Variants in EPHA1 observed in about 807,000 individuals in gnomAD.
EPHA1 encodes EPH receptor A1.
EPHA1 carries 92 observed loss-of-function variants against 110.1 expected under a neutral mutation model. The observed-to-expected ratio is 0.84, with a 90% CI of 0.71 to 0.99. EPHA1 has a LOEUF of 0.99. Ranked by LOEUF, EPHA1 falls within the 50% of genes least tolerant of loss-of-function variation. The pLI, the probability that EPHA1 is intolerant of heterozygous loss-of-function variation, is 0.00. For synonymous variants in EPHA1, 500 were observed against 516.1 expected, an observed-to-expected ratio of 0.97 and a Z score of 0.42; for missense variants, 1,204 against 1,285.4, an observed-to-expected ratio of 0.94 and a Z score of 0.97.
In EPHA1 at chr7:143,394,824, C is replaced by A. The variant is rs749718342; in HGVS notation, c.2336G>T (p.Gly779Val). The change falls in exon 14 of 18, where the codon GGC becomes GTC. Residue 779 changes from glycine (G) to valine (V), a missense_variant. Transcript: ENST00000275815. ...GLTRLLDDFD[G>V]TYETQGGKIP... ...GCCTCTAACCTGGGTTTCGTATGTG[C>A]CATCAAAGTCATCCAGGAGGCGAGT... The A allele has an allele frequency of 2.3e-5, 37 of 1,614,084 alleles. No individual in the cohort carries two copies. Among genetic ancestry groups the A allele is most frequent in the Non-Finnish European group, 3.1e-5 (37 of 1,180,022 alleles).
Position 143,399,922 on chromosome 7 carries a change from C to T in EPHA1, c.564G>A (p.Pro188=), listed in dbSNP as rs146631359. The change falls in exon 4 of 18, where the codon CCG becomes CCA. Residue 188 remains proline, a synonymous_variant. Coordinates refer to ENST00000275815, the MANE Select transcript of EPHA1 (RefSeq NM_005232.5). The stretch of plus-strand genomic sequence containing the variant: ...CAGACACCAGGGCCACACAGGCACC[C>T]GGGTTGTGGAAAGCGAGGTAGAGGC... The part of the protein sequence containing the change: ...RRGLYLAFHN[P]GACVALVSVR... 19 of 1,613,176 alleles carry T rather than the reference C, an allele frequency of 1.2e-5. No homozygotes were observed. The highest frequency in any genetic ancestry group is 4.5e-5 in the East Asian group (2 of 44,842).
At chr7:143,399,083 T>A in intron 5 of EPHA1, 138 bp from the exon 6 acceptor site, 1 of 1,216,246 alleles carries the variant, frequency 8.2e-7, no homozygotes, top group Non-Finnish European at 1.2e-6. Context: ...TGGGTTTGAC[T>A]ACATCTCTGC....
intron 10 of EPHA1, 35 bp from the exon 11 acceptor site, chr7:143,396,545 A>G (rs1805257302): frequency 3.7e-6 from 6 of 1,610,204 alleles, no homozygotes; most frequent in East Asian, 4.5e-5. Context: ...GAGTACCAAC[A>G]TCAGGGCTCA....
At position 143,396,502 on chromosome 7, in the gene EPHA1, GC is replaced by G. The variant is rs1382827812; in HGVS notation, c.1779del (p.Lys593AsnfsTer4). The G allele has an allele frequency of 1.2e-6, 2 of 1,613,828 alleles. No individual in the cohort carries two copies. The highest frequency in any genetic ancestry group is 4.5e-5 in the East Asian group (2 of 44,874). On this transcript the variant is annotated frameshift_variant, in exon 11 of 18. Coordinates refer to ENST00000275815, the MANE Select transcript of EPHA1 (RefSeq NM_005232.5). LOFTEE classifies it high-confidence loss of function. ...DRATDVDRED[K>X]LWLKPYVDLQ... ...AGGTCCACATAAGGCTTCAGCCACAGCTTGTCCTCTATGGGCAGAACATGAG... is the reference window on the plus strand; with the variant it reads ...AGGTCCACATAAGGCTTCAGCCACAGTTGTCCTCTATGGGCAGAACATGAG...
intron 11 of EPHA1, among the ~76,000 whole-genome samples, chr7:143,396,130 T>C (rs144406205): frequency 3.9e-4 from 59 of 152,358 alleles, no homozygotes; most frequent in African/African-American, 1.1e-3. Context: ...ATGCCCTTTA[T>C]CAGAAACTCC....
At chr7:143,405,125 G>A (rs1383092994) in intron 2 of EPHA1, among the ~76,000 whole-genome samples, 1 of 152,102 alleles carries the variant, frequency 6.6e-6, no homozygotes, top group Non-Finnish European at 1.5e-5. Flanking sequence ...GAATGAAAAA[G>A]GCACCAGGAG....
chr7:143,396,468 T>G lies in EPHA1; in HGVS notation c.1814A>C (p.Tyr605Ser). Residue 605 changes from tyrosine (Y) to serine (S), a missense_variant, in exon 11 of 18, where the codon TAC (tyrosine) becomes TCC (serine). By Grantham distance (144) the Tyr-to-Ser change is moderately radical. Coordinates refer to ENST00000275815, the MANE Select transcript of EPHA1 (RefSeq NM_005232.5). ...CAGGGCTCCCTGTGCAGGGTCCTCG[T>G]ATGCCTGGAGGTCCACATAAGGCTT... ...WLKPYVDLQA[Y>S]EDPAQGALDF... 6.2e-7 allele frequency: 1 copy of G among 1,614,018 alleles called. No homozygotes were observed. Among genetic ancestry groups the G allele is most frequent in the African/African-American group, 1.3e-5 (1 of 75,028 alleles).
At position 143,395,559 on chromosome 7, in the gene EPHA1, G is replaced by A; in HGVS notation, c.1898-55C>T. 1.3e-6 allele frequency: 2 copies of A among 1,582,304 alleles called. No homozygotes were observed. Among genetic ancestry groups the A allele is most frequent in the Admixed American group, 1.7e-5 (1 of 57,958 alleles). ...GATGCACTGCAGGGCTCCTCCAGGG[G>A]ACAGGCAGCAACCCCTCCAGTCCTC... On this transcript the variant is annotated intron_variant, in intron 11 of 17. Transcript: ENST00000275815. This position sits in a 1 kb window ranked among gnomAD's most constrained non-coding sequence, Gnocchi z 4.7.
In EPHA1 at chr7:143,401,437, T is replaced by G; in HGVS notation, c.319A>C (p.Lys107Gln). ...VELQFTVRDC[K>Q]SFPGGAGPLG... ...GGCCCGGCTCCCCCAGGGAAACTCTTGCAGTCCCGCACGGTGAACTGCAGC... is the reference window on the plus strand; with the variant it reads ...GGCCCGGCTCCCCCAGGGAAACTCTGGCAGTCCCGCACGGTGAACTGCAGC... Residue 107 changes from lysine (K) to glutamine (Q), a missense_variant, in exon 3 of 18, where the codon AAG becomes CAG. Transcript: ENST00000275815. The surrounding 1 kb of genome is among the most constrained non-coding windows in gnomAD (Gnocchi z 4.1). 6.2e-7 allele frequency: 1 copy of G among 1,614,140 alleles called. No individual in the cohort carries two copies. Among genetic ancestry groups the G allele is most frequent in the Non-Finnish European group, 8.5e-7 (1 of 1,180,042 alleles).
Position 143,391,375 on chromosome 7 carries a change from G to A in EPHA1, c.*82C>T. Reference sequence around the variant, plus strand: ...AGCCTAGTCTGGCAGGTTGTGGGAAGGGGCGCAGGGAGTGACCATGAGCGA... The same window carrying A: ...AGCCTAGTCTGGCAGGTTGTGGGAAAGGGCGCAGGGAGTGACCATGAGCGA... On this transcript the variant is annotated 3_prime_UTR_variant, in exon 18 of 18. Coordinates refer to ENST00000275815, the MANE Select transcript of EPHA1 (RefSeq NM_005232.5). 1.3e-6 allele frequency: 2 copies of A among 1,521,392 alleles called. No homozygotes were observed. The highest frequency in any genetic ancestry group is 2.7e-5 in the African/African-American group (2 of 72,878). The allele number at this position is 1,521,392 out of a possible 1,614,324, so 94.2% of individuals were successfully genotyped here. A position where few individuals can be genotyped will look rare whatever the true frequency, so the allele number is the denominator to read the frequency against.
At chr7:143,394,061 G>C in intron 15 of EPHA1, 133 bp downstream of exon 15, 1 of 1,316,096 alleles carries the variant, frequency 7.6e-7, no homozygotes. Context: ...AGAACCAGAG[G>C]AGCCAGGAGT....
rs200212760 is a variant in EPHA1 at position 143,397,568 on chromosome 7, G to A, written c.1705C>T (p.Arg569Trp). The A allele has an allele frequency of 7.6e-5, 123 of 1,614,104 alleles. No individual in the cohort carries two copies. The highest frequency in any genetic ancestry group is 3.3e-4 in the Middle Eastern group (2 of 6,062). ...AALLLGILVF[R>W]SRRAQRQRQQ... ...GGGGGCAGGAGCTGGCACCTGGACC[G>A]GAAAACGAGAATCCCAAGCAGCAAG... Residue 569 changes from arginine to tryptophan, a missense_variant, in exon 9 of 18, where the codon CGG (arginine) becomes TGG (tryptophan). Physicochemically the swap from Arg to Trp is moderately radical, Grantham distance 101. Coordinates refer to ENST00000275815, the MANE Select transcript of EPHA1 (RefSeq NM_005232.5).
Position 143,399,850 on chromosome 7 carries a change from G to C in EPHA1, c.636C>G (p.Ala212=). Residue 212 remains alanine (A), a synonymous_variant, in exon 4 of 18, where the codon GCC becomes GCG. Transcript: ENST00000275815. ...QRCPETLNGL[A]QFPDTLPGPA... Reference sequence around the variant, plus strand: ...GGCCAGGCAGAGTGTCTGGGAATTGGGCCAAGCCATTCAGGGTCTCAGGAC... The same window carrying C: ...GGCCAGGCAGAGTGTCTGGGAATTGCGCCAAGCCATTCAGGGTCTCAGGAC... The C allele has an allele frequency of 6.2e-7, 1 of 1,606,664 alleles. No homozygotes were observed. Among genetic ancestry groups the C allele is most frequent in the Non-Finnish European group, 8.5e-7 (1 of 1,176,480 alleles).
chr7:143,399,595 G>C, intron 4 of EPHA1, 56 bp downstream of exon 4: 1 of 1,603,804 alleles, frequency 6.2e-7, no homozygotes, highest in Non-Finnish European at 8.5e-7. Flanking sequence ...CTCTGCCGGG[G>C]TACTCCTGCA....
At position 143,395,548 on chromosome 7, in the gene EPHA1, C is replaced by A; in HGVS notation, c.1898-44G>T. 6.2e-7 allele frequency: 1 copy of A among 1,600,856 alleles called. No homozygotes were observed. Reference sequence around the variant, plus strand: ...GGCTGTGGCCCGATGCACTGCAGGGCTCCTCCAGGGGACAGGCAGCAACCC... The same window carrying A: ...GGCTGTGGCCCGATGCACTGCAGGGATCCTCCAGGGGACAGGCAGCAACCC... On this transcript the variant is annotated intron_variant, in intron 11 of 17. Transcript: ENST00000275815. This position sits in a 1 kb window ranked among gnomAD's most constrained non-coding sequence, Gnocchi z 4.7.
rs776167447 is a variant in EPHA1 at position 143,399,303 on chromosome 7, C to T, written c.946G>A (p.Gly316Ser). The T allele has an allele frequency of 5.1e-5, 82 of 1,612,258 alleles. No homozygotes were observed. The highest frequency in any genetic ancestry group is 6.2e-5 in the Non-Finnish European group (73 of 1,179,884). The part of the protein sequence containing the change: ...EGATICTCES[G>S]HYRAPGEGPQ... ...CCCTCCCCGGGAGCTCTGTAATGGC[C>T]GCTCTCACAGGTACAGATGGTGGCC... Residue 316 changes from glycine (G) to serine (S), a missense_variant, in exon 5 of 18, where the codon GGC becomes AGC. Physicochemically the swap from Gly to Ser is moderately conservative, Grantham distance 56 (BLOSUM62 0). Transcript: ENST00000275815.
chr7:143,395,686 G>T lies in EPHA1; in HGVS notation c.1898-182C>A. ...GAAGGTCAGAGTCTGGAGCTGGAGT[G>T]CAATGCCGTGACCTATTCACCACTG... On this transcript the variant is annotated intron_variant, in intron 11 of 17. Coordinates refer to ENST00000275815, the MANE Select transcript of EPHA1 (RefSeq NM_005232.5). This position sits in a 1 kb window ranked among gnomAD's most constrained non-coding sequence, Gnocchi z 4.7. 1 of 642,766 alleles carries T rather than the reference G, an allele frequency of 1.6e-6. No individual in the cohort carries two copies. Among genetic ancestry groups the T allele is most frequent in the Non-Finnish European group, 2.7e-6 (1 of 376,324 alleles). 39.8% of individuals were successfully genotyped at this position (642,766 alleles called of 1,614,324 possible). A position where few individuals can be genotyped will look rare whatever the true frequency, so the allele number is the denominator to read the frequency against.
rs985719276 is a variant in EPHA1, at chr7:143,408,674, G to A, written c.82+50C>T. On this transcript the variant is annotated intron_variant, in intron 1 of 17. Transcript: ENST00000275815. ...TGCAGGGGGGTGCTGGCCGGGCCCC[G>A]GGAAGGGGCGGGGCGCGGGGGTTGG... 4.4e-5 allele frequency: 19 copies of A among 427,022 alleles called. 1 individual carries two copies. In the South Asian group the frequency reaches 2.2e-3, roughly 49 times the overall value. 26.5% of individuals were successfully genotyped at this position (427,022 alleles called of 1,614,324 possible). A position where few individuals can be genotyped will look rare whatever the true frequency, so the allele number is the denominator to read the frequency against.
In EPHA1 at chr7:143,395,334, C is replaced by T; in HGVS notation, c.2068G>A (p.Gly690Ser). ...FSHPHILHLE[G>S]VVTKRKPIMI... Reference sequence around the variant, plus strand: ...CTCATCGTACGCTTTGTGACGACGCCTTCCAGATGCAGAATATGCGGGTGG... The same window carrying T: ...CTCATCGTACGCTTTGTGACGACGCTTTCCAGATGCAGAATATGCGGGTGG... The change falls in exon 12 of 18, where the codon GGC becomes AGC. Residue 690 changes from glycine (G) to serine (S), a missense_variant. By Grantham distance (56) the Gly-to-Ser change is moderately conservative. Coordinates refer to ENST00000275815, the MANE Select transcript of EPHA1 (RefSeq NM_005232.5). The surrounding 1 kb of genome is among the most constrained non-coding windows in gnomAD (Gnocchi z 4.7). 2 of 1,614,240 alleles carry T rather than the reference C, an allele frequency of 1.2e-6. No individual in the cohort carries two copies. The highest frequency in any genetic ancestry group is 1.7e-6 in the Non-Finnish European group (2 of 1,180,052).
Sources: allele counts gnomAD v4.1 joint callset (sites outside exome capture counted in the v4.1 genomes callset), GRCh38; gene constraint gnomAD v4.1.1; non-coding constraint Gnocchi (gnomAD v3.1); transcripts MANE v1.5; gene names NCBI Gene and HGNC (gene_info 2026-07-23, HGNC 2026-07-21).